ABLIM1: variants seen among roughly 807,000 people sequenced by gnomAD.
ABLIM1 encodes the protein actin-binding LIM protein 1.
ABLIM1 carries 40 observed loss-of-function variants against 107.0 expected under a neutral mutation model. That is an observed-to-expected ratio of 0.37 (90% CI 0.29 to 0.49). ABLIM1 has a LOEUF of 0.49. ABLIM1 is among the 20% of genes least tolerant of loss of function. The pLI is 0.97. For synonymous variants in ABLIM1, 357 were observed against 357.3 expected (o/e 1.00, Z 0.01); for missense variants, 857 against 1,008.5 (o/e 0.85, Z 2.04).
chr10:114,561,574 C>T (rs1045806186), intron 4 of ABLIM1, among the ~76,000 whole-genome samples: 2 of 152,146 alleles, frequency 1.3e-5, no homozygotes, highest in African/African-American at 2.4e-5. Context: ...ATAGCAATTG[C>T]TCAAATATCC....
intron 6 of ABLIM1, among the ~76,000 whole-genome samples, chr10:114,527,812 G>C (rs572277835): frequency 6.6e-6 from 1 of 151,210 alleles, no homozygotes; most frequent in African/African-American, 2.4e-5. Flanking sequence ...TTACAGGTGT[G>C]AGCCACCATG....
chr10:114,499,530 G>T (rs2060114432), intron 6 of ABLIM1, among the ~76,000 whole-genome samples: 1 of 152,182 alleles, frequency 6.6e-6, no homozygotes, highest in Admixed American at 6.5e-5. Context: ...TAGATCAGGA[G>T]TTTTCTAACA....
rs1008351787 is a variant in ABLIM1 at position 114,436,157 on chromosome 10, C to T, written c.*103G>A. On this transcript the variant is annotated 3_prime_UTR_variant, in exon 23 of 23. Transcript: ENST00000533213. Reference sequence around the variant, plus strand: ...TTCTCTTTTTGGTGTTGCTGAGCGACGGTAGTTTGCAAATTCTCCAATCAA... The same window carrying T: ...TTCTCTTTTTGGTGTTGCTGAGCGATGGTAGTTTGCAAATTCTCCAATCAA... 14 of 855,982 alleles carry T rather than the reference C, an allele frequency of 1.6e-5. No homozygotes were observed. Among genetic ancestry groups the T allele is most frequent in the East Asian group, 9.9e-5 (4 of 40,228 alleles). The allele number at this position is 855,982 out of a possible 1,614,324, so 53.0% of individuals were successfully genotyped here. A position where few individuals can be genotyped will look rare whatever the true frequency, so the allele number is the denominator to read the frequency against.
In ABLIM1 at chr10:114,632,125, C is replaced by T. The variant is rs1435662520; in HGVS notation, c.244+25832G>A. 4 of 985,252 alleles carry T rather than the reference C, an allele frequency of 4.1e-6. No homozygotes were observed. The Admixed American group carries it at 2.5e-4, about 61-fold the overall frequency. 61.0% of individuals were successfully genotyped at this position (985,252 alleles called of 1,614,324 possible). On this transcript the variant is annotated intron_variant, in intron 1 of 22. Coordinates refer to ENST00000533213, the MANE Select transcript of ABLIM1 (RefSeq NM_002313.7). ...CATGCCCGCCCCGCTATCGCCCCCGCGCTCTTCTCCGCCCGCCCGCCGAGC... is the reference window on the plus strand; with the variant it reads ...CATGCCCGCCCCGCTATCGCCCCCGTGCTCTTCTCCGCCCGCCCGCCGAGC...
chr10:114,726,953 G>C (rs1413196), intron 1 of ABLIM1, among the ~76,000 whole-genome samples: 2,644 of 152,288 alleles, frequency 0.017, 29 homozygotes, highest in Middle Eastern at 0.092. Flanking sequence ...CAGTGAGTTA[G>C]AGCAATTCAA....
rs141264413 is a variant in ABLIM1, at chr10:114,584,365, G to T, written c.380-8766C>A. ...AAGTTTTATTTCATCCAAGATGTTA[G>T]TCTATTCATCAAACCCTATCTTCCT... On this transcript the variant is annotated intron_variant, in intron 2 of 22. Coordinates refer to ENST00000533213, the MANE Select transcript of ABLIM1 (RefSeq NM_002313.7). Among the ~76,000 whole-genome samples the T allele has an allele frequency of 2.6e-3, 396 of 152,224 alleles. 4 individuals carry two copies. The highest frequency in any genetic ancestry group is 9.4e-3 in the African/African-American group (389 of 41,540).
chr10:114,476,552 G>A (rs2056441815), intron 8 of ABLIM1, among the ~76,000 whole-genome samples: 1 of 151,840 alleles, frequency 6.6e-6, no homozygotes, highest in African/African-American at 2.4e-5. Flanking sequence ...GCTGAGGTAG[G>A]AGAATCGCTT....
intron 7 of ABLIM1, among the ~76,000 whole-genome samples, chr10:114,489,305 C>G (rs2058620752): frequency 6.6e-6 from 1 of 152,178 alleles, no homozygotes; most frequent in Admixed American, 6.5e-5. Flanking sequence ...GCGTGAGCCA[C>G]CACACCTGGC....
chr10:114,752,114 A>G (rs1368320483), intron 1 of ABLIM1, among the ~76,000 whole-genome samples: 1 of 152,216 alleles, frequency 6.6e-6, no homozygotes, highest in Non-Finnish European at 1.5e-5. Flanking sequence ...AGTCAAAGTA[A>G]AATTGAGTCA....
chr10:114,749,141 C>A (rs1467867836), intron 1 of ABLIM1, among the ~76,000 whole-genome samples: 1 of 152,118 alleles, frequency 6.6e-6, no homozygotes, highest in African/African-American at 2.4e-5. Flanking sequence ...TGGTCAGACA[C>A]CTTGCTTTCT....
At chr10:114,620,568 C>G (rs939490602) in intron 1 of ABLIM1, among the ~76,000 whole-genome samples, 7 of 152,196 alleles carry the variant, frequency 4.6e-5, no homozygotes, top group African/African-American at 1.4e-4. Flanking sequence ...CACCATCAGG[C>G]CCAGCTAATT....
intron 1 of ABLIM1, among the ~76,000 whole-genome samples, chr10:114,617,602 C>T (rs752575893): frequency 1.6e-4 from 24 of 152,068 alleles, no homozygotes; most frequent in Non-Finnish European, 2.4e-4. Context: ...GTTTTATCTG[C>T]AAGGGACCTC....
intron 1 of ABLIM1, among the ~76,000 whole-genome samples, chr10:114,623,964 T>C (rs2140492245): frequency 6.6e-6 from 1 of 152,292 alleles, no homozygotes; most frequent in East Asian, 1.9e-4. Flanking sequence ...ACAAATACAA[T>C]GTTTCAGAGA....
intron 1 of ABLIM1, among the ~76,000 whole-genome samples, chr10:114,708,693 A>C (rs992892305): frequency 4.6e-5 from 7 of 152,218 alleles, no homozygotes; most frequent in African/African-American, 1.7e-4. Flanking sequence ...AAGAGCAGAG[A>C]AAATAACCAA....
the ABLIM1 span, among the ~76,000 whole-genome samples, chr10:114,780,325 T>A: frequency 1.3e-5 from 2 of 152,190 alleles, no homozygotes; most frequent in Non-Finnish European, 2.9e-5. Context: ...ACCCATTTAG[T>A]TAAAGATCTT....
At chr10:114,736,392 T>A (rs1027543782) in intron 1 of ABLIM1, among the ~76,000 whole-genome samples, 1 of 152,168 alleles carries the variant, frequency 6.6e-6, no homozygotes, top group Non-Finnish European at 1.5e-5. Context: ...ATTAGATGAG[T>A]ATATTGGCTG....
intron 1 of ABLIM1, among the ~76,000 whole-genome samples, chr10:114,753,968 C>T (rs1200170199): frequency 6.6e-6 from 1 of 152,222 alleles, no homozygotes; most frequent in Non-Finnish European, 1.5e-5. Flanking sequence ...TCTCCTGCCT[C>T]AGCCTCCCAA....
intron 3 of ABLIM1, among the ~76,000 whole-genome samples, chr10:114,575,057 T>A (rs2072315691): frequency 1.3e-5 from 2 of 152,124 alleles, no homozygotes; most frequent in African/African-American, 4.8e-5. Context: ...GAGACCATTT[T>A]AAACACACAC....
intron 1 of ABLIM1, among the ~76,000 whole-genome samples, chr10:114,757,012 C>A (rs192543154): frequency 1.3e-4 from 20 of 152,324 alleles, no homozygotes; most frequent in African/African-American, 4.6e-4. Context: ...AATCATAGAG[C>A]ATGCATCTTC....
Sources: gnomAD v4.1 joint callset for allele counts (sites outside exome capture counted in the v4.1 genomes callset) on GRCh38, gnomAD v4.1.1 for gene constraint, MANE v1.5 for transcripts, NCBI Gene and HGNC (gene_info 2026-07-23, HGNC 2026-07-21) for gene names.